LRIG1: variants seen among roughly 807,000 people sequenced by gnomAD.
The protein encoded by LRIG1 is leucine-rich repeats and immunoglobulin-like domains protein 1.
In LRIG1, 48 loss-of-function variants were observed where a neutral mutation model predicts 99.2. The observed-to-expected ratio is 0.48, with a 90% CI of 0.38 to 0.62. The LOEUF is 0.62. Among genes scored for constraint, LRIG1 ranks in the 20% least tolerant of loss-of-function variants. The pLI, the probability that LRIG1 is intolerant of heterozygous loss-of-function variation, is 0.00. For synonymous variants in LRIG1, 772 were observed against 596.1 expected, an observed-to-expected ratio of 1.29 and a Z score of -4.30; for missense variants, 1,646 against 1,434.4, an observed-to-expected ratio of 1.15 and a Z score of -2.38.
intron 1 of LRIG1, among the ~76,000 whole-genome samples, chr3:66,490,468 A>C (rs1701076889): frequency 6.6e-6 from 1 of 152,246 alleles, no homozygotes; most frequent in African/African-American, 2.4e-5. Flanking sequence ...AACCACAGAC[A>C]CAGAGAAAAA....
intron 9 of LRIG1, among the ~76,000 whole-genome samples, chr3:66,401,362 C>T (rs575880666): frequency 3.6e-4 from 55 of 152,308 alleles, no homozygotes; most frequent in Non-Finnish European, 6.9e-4. Context: ...CAGATCCCCC[C>T]GCCCAGGCAC....
At chr3:66,438,364 G>C (rs74690004) in intron 3 of LRIG1, among the ~76,000 whole-genome samples, 9,367 of 152,224 alleles carry the variant, frequency 0.062, 361 homozygotes, top group South Asian at 0.15. Context: ...ATGTGAGTCT[G>C]TTCCAAAGAA....
In LRIG1 at chr3:66,382,298, C is replaced by T. The variant is rs762490178; in HGVS notation, c.2592G>A (p.Gln864=). 1 of 1,614,174 alleles carries T rather than the reference C, an allele frequency of 6.2e-7. No individual in the cohort carries two copies. The highest frequency in any genetic ancestry group is 2.2e-5 in the East Asian group (1 of 44,880). ...ETVVRTEGGP[Q]ANGHIESNGV... ...CATTGCTCTCAATGTGCCCATTGGC[C>T]TGAGGGCCACCCTCGGTCCTGACCA... Residue 864 remains glutamine (Q), a synonymous_variant, in exon 16 of 19, where the codon CAG becomes CAA. Coordinates refer to ENST00000273261, the MANE Select transcript of LRIG1 (RefSeq NM_015541.3).
chr3:66,383,048 G>C lies in LRIG1; in HGVS notation c.2425C>G (p.Leu809Val). ...TGGTAGATGATGCACACCCAGACCA[G>C]TGACGTCAGGACGATGCTGCTCACG... The part of the protein sequence containing the change: ...AVVSSIVLTS[L>V]VWVCIIYQTR... The change falls in exon 15 of 19, where the codon CTG becomes GTG. Residue 809 changes from leucine (L) to valine (V), a missense_variant. By Grantham distance (32) the Leu-to-Val change is conservative (BLOSUM62 1). Coordinates refer to ENST00000273261, the MANE Select transcript of LRIG1 (RefSeq NM_015541.3). 1 of 1,614,246 alleles carries C rather than the reference G, an allele frequency of 6.2e-7. No individual in the cohort carries two copies. The highest frequency in any genetic ancestry group is 8.5e-7 in the Non-Finnish European group (1 of 1,180,042).
chr3:66,474,588 C>T (rs1292446523), intron 1 of LRIG1, among the ~76,000 whole-genome samples: 2 of 152,094 alleles, frequency 1.3e-5, no homozygotes, highest in African/African-American at 2.4e-5. Context: ...TCAGGTGATC[C>T]GCCCGCCTCG....
intron 1 of LRIG1, among the ~76,000 whole-genome samples, chr3:66,498,616 G>A (rs1478360111): frequency 2.0e-5 from 3 of 149,374 alleles, no homozygotes; most frequent in South Asian, 2.1e-4. Flanking sequence ...CAATACCCCA[G>A]ACTAAATAAG....
intron 8 of LRIG1, 118 bp downstream of exon 8, chr3:66,407,230 T>A (rs1575667036): frequency 9.2e-7 from 1 of 1,089,076 alleles, no homozygotes. Flanking sequence ...GCAAGCCAGC[T>A]TTGGATCCAA....
chr3:66,390,724 A>G (rs1254146321), intron 12 of LRIG1, among the ~76,000 whole-genome samples: 2 of 152,212 alleles, frequency 1.3e-5, no homozygotes, highest in African/African-American at 2.4e-5. Flanking sequence ...AGAAGAAAAT[A>G]AAGGAGGAAA....
chr3:66,454,506 C>G (rs1239141093), intron 2 of LRIG1, among the ~76,000 whole-genome samples: 2 of 152,186 alleles, frequency 1.3e-5, no homozygotes, highest in Non-Finnish European at 2.9e-5. Flanking sequence ...CCCCTACCCG[C>G]CAATTTACTT....
intron 12 of LRIG1, among the ~76,000 whole-genome samples, chr3:66,390,443 C>T (rs978331724): frequency 1.1e-4 from 17 of 152,100 alleles, no homozygotes; most frequent in Non-Finnish European, 1.8e-4. Flanking sequence ...AGTGACAAAA[C>T]ATGACTGAAA....
chr3:66,498,006 T>C (rs779770716), intron 1 of LRIG1: 17 of 152,342 alleles, frequency 1.1e-4, no homozygotes, highest in Non-Finnish European at 2.2e-4. Flanking sequence ...CGGAGACTAA[T>C]GATTTAAATT....
intron 8 of LRIG1, 133 bp from the exon 9 acceptor site, chr3:66,405,411 G>C: frequency 1.4e-6 from 1 of 720,248 alleles, no homozygotes. Context: ...GGGACGTAGG[G>C]TGAAGAGACA....
chr3:66,499,399 G>T (rs553766076), intron 1 of LRIG1, among the ~76,000 whole-genome samples: 1 of 152,198 alleles, frequency 6.6e-6, no homozygotes, highest in South Asian at 2.1e-4. Context: ...ATTTATGGAG[G>T]AGAGAGTCTT....
At chr3:66,405,821 G>A (rs1702249856) in intron 8 of LRIG1, 2 of 1,154,086 alleles carry the variant, frequency 1.7e-6, no homozygotes. Context: ...TCTGAGCCAG[G>A]GAGGACATCT....
At chr3:66,497,481 G>A (rs1414691002) in intron 1 of LRIG1, among the ~76,000 whole-genome samples, 1 of 152,088 alleles carries the variant, frequency 6.6e-6, no homozygotes, top group Non-Finnish European at 1.5e-5. Context: ...GTTGGACCAT[G>A]CCAATCTCAC....
At chr3:66,443,783 G>A (rs190771425) in intron 3 of LRIG1, among the ~76,000 whole-genome samples, 4 of 152,338 alleles carry the variant, frequency 2.6e-5, no homozygotes, top group East Asian at 3.9e-4. Context: ...CACAGCAGCC[G>A]TGCAGAGGAA....
Position 66,481,364 on chromosome 3 carries a change from G to C in LRIG1, c.218+18826C>G, listed in dbSNP as rs146291068. Among the ~76,000 whole-genome samples, 448 of 152,296 alleles carry C rather than the reference G, an allele frequency of 2.9e-3. 1 individual carries two copies. The highest frequency in any genetic ancestry group is 0.01 in the African/African-American group (434 of 41,568). On this transcript the variant is annotated intron_variant, in intron 1 of 18. Coordinates refer to ENST00000273261, the MANE Select transcript of LRIG1 (RefSeq NM_015541.3). Reference sequence around the variant, plus strand: ...TTTTTGGCAAGTGCCCCTTGGCCTGGTTGTTCATTAATATATAATCAGAAC... The same window carrying C: ...TTTTTGGCAAGTGCCCCTTGGCCTGCTTGTTCATTAATATATAATCAGAAC...
At position 66,386,220 on chromosome 3, in the gene LRIG1, G is replaced by A. The variant is rs750410834; in HGVS notation, c.1550C>T (p.Ser517Leu). Residue 517 changes from serine to leucine, a missense_variant, in exon 13 of 19, where the codon TCA (serine) becomes TTA (leucine). Ser to Leu is a moderately radical substitution (Grantham distance 145). Coordinates refer to ENST00000273261, the MANE Select transcript of LRIG1 (RefSeq NM_015541.3). ...GGGGGAGCTGCTGCTGCTGGCTGCTGAGCATGTAAACCGGATGTCCTTGCC... is the reference window on the plus strand; with the variant it reads ...GGGGGAGCTGCTGCTGCTGGCTGCTAAGCATGTAAACCGGATGTCCTTGCC... ...MVGKDIRFTC[S>L]AASSSSSPMT... The A allele has an allele frequency of 9.9e-6, 16 of 1,614,172 alleles. No individual in the cohort carries two copies. The South Asian group carries it at 1.2e-4, about 12-fold the overall frequency.
At chr3:66,424,351 T>TA (rs1182191778) in intron 3 of LRIG1, among the ~76,000 whole-genome samples, 1 of 151,684 alleles carries the variant, frequency 6.6e-6, no homozygotes, top group Non-Finnish European at 1.5e-5. Context: ...CCTCTCTAGG[T>TA]CTCCCCCCCA....
Sources: allele counts gnomAD v4.1 joint callset (sites outside exome capture counted in the v4.1 genomes callset), GRCh38; gene constraint gnomAD v4.1.1; transcripts MANE v1.5; gene names NCBI Gene and HGNC (gene_info 2026-07-23, HGNC 2026-07-21).